Variants in ASTN2 observed in about 807,000 individuals in gnomAD.
The protein encoded by ASTN2 is astrotactin-2.
Under a neutral mutation model 139.8 loss-of-function variants are expected in ASTN2, and 54 were observed. The observed-to-expected ratio is 0.39, with a 90% confidence interval of 0.31 to 0.48. The LOEUF is 0.48. ASTN2 is among the 20% of genes least tolerant of loss of function. The probability of loss-of-function intolerance (pLI) is 0.95; values close to 1 mark genes in which losing one functional copy is unlikely to be tolerated. For missense variants in ASTN2, 1,565 were observed against 1,725.1 expected (o/e 0.91, Z 1.64); for synonymous variants, 756 against 719.5 (o/e 1.05, Z -0.81).
At chr9:116,839,881 A>ATTATTATTATTT (rs55634992) in intron 11 of ASTN2, among the ~76,000 whole-genome samples, 5 of 127,972 alleles carry the variant, frequency 3.9e-5, no homozygotes, top group African/African-American at 1.5e-4. Context: ...TATTATTATT[A>ATTATTATTATTT]TTTTTTTTTT....
In ASTN2 at chr9:116,565,418, TA is replaced by T. The variant is rs1564120549; in HGVS notation, c.3355+52905del. On this transcript the variant is annotated intron_variant, in intron 19 of 22. Transcript: ENST00000313400. ...ATATATATATATATATATATATATA[TA>T]TATATATATATTTATTTATTTATTT... is the stretch of plus-strand genomic sequence containing the variant. Among the ~76,000 whole-genome samples, 32 of 130,680 alleles carry T rather than the reference TA, an allele frequency of 2.4e-4. 1 individual carries two copies. The highest frequency in any genetic ancestry group is 6.3e-4 in the East Asian group (3 of 4,764). The allele number at this position is 130,680 out of a possible 152,430, so 85.7% of individuals were successfully genotyped here.
chr9:116,830,408 A>G (rs1031971723), intron 11 of ASTN2, among the ~76,000 whole-genome samples: 9 of 60,274 alleles, frequency 1.5e-4, no homozygotes, highest in African/African-American at 4.8e-4. Context: ...GGAAGACAGT[A>G]TGAAGGTTTT....
At chr9:116,749,620 G>A (rs886497135) in intron 13 of ASTN2, among the ~76,000 whole-genome samples, 12 of 152,084 alleles carry the variant, frequency 7.9e-5, no homozygotes, top group African/African-American at 2.9e-4. Flanking sequence ...CTACTTTTGG[G>A]GGGCAGGAAC....
At chr9:116,709,426 C>CCATA (rs1451357963) in intron 16 of ASTN2, among the ~76,000 whole-genome samples, 2 of 152,102 alleles carry the variant, frequency 1.3e-5, no homozygotes, top group Non-Finnish European at 2.9e-5. Flanking sequence ...GATTTTTAGC[C>CCATA]CATAACTGGG....
At chr9:117,296,394 C>A (rs1421421013) in intron 1 of ASTN2, among the ~76,000 whole-genome samples, 1 of 151,754 alleles carries the variant, frequency 6.6e-6, no homozygotes, top group Non-Finnish European at 1.5e-5. Flanking sequence ...TATTCAGAAC[C>A]AGTAGAGTAC....
intron 3 of ASTN2, among the ~76,000 whole-genome samples, chr9:117,177,806 G>C (rs1369630205): frequency 6.6e-6 from 1 of 152,130 alleles, no homozygotes; most frequent in African/African-American, 2.4e-5. Context: ...TGTTCTCTCA[G>C]CTTCCATGTG....
chr9:116,545,901 A>G (rs1587976667), intron 19 of ASTN2: 1 of 152,190 alleles, frequency 6.6e-6, no homozygotes, highest in African/African-American at 2.4e-5. Flanking sequence ...AGTGCTAACA[A>G]TGTGAGAACT....
rs148302583 is a variant in ASTN2 at position 116,603,935 on chromosome 9, A to T, written c.3355+14389T>A. ...GTATGAGAGGTTGATCCATATAATT[A>T]ATTAGTGGAACCAGACTCTCAAACA... On this transcript the variant is annotated intron_variant, in intron 19 of 22. Coordinates refer to ENST00000313400, the MANE Select transcript of ASTN2 (RefSeq NM_001365068.1). 2.3e-3 allele frequency among the ~76,000 whole-genome samples: 348 copies of T among 152,274 alleles called. 1 individual carries two copies. Among genetic ancestry groups the T allele is most frequent in the African/African-American group, 8.0e-3 (332 of 41,552 alleles).
At chr9:117,191,385 G>T (rs1449803018) in intron 3 of ASTN2, among the ~76,000 whole-genome samples, 2 of 151,942 alleles carry the variant, frequency 1.3e-5, no homozygotes, top group Admixed American at 1.3e-4. Flanking sequence ...ATATATAAAA[G>T]GGAAAAGACA....
intron 3 of ASTN2, among the ~76,000 whole-genome samples, chr9:117,203,375 T>C (rs536774074): frequency 8.9e-4 from 136 of 152,242 alleles, no homozygotes; most frequent in Middle Eastern, 3.4e-3. Context: ...TTCTAGGCCC[T>C]TGATAGACAG....
chr9:117,101,617 C>T (rs1046558596), intron 4 of ASTN2, among the ~76,000 whole-genome samples: 1 of 152,150 alleles, frequency 6.6e-6, no homozygotes, highest in African/African-American at 2.4e-5. Context: ...AATATCCCTC[C>T]TACACCTCAC....
intron 19 of ASTN2, among the ~76,000 whole-genome samples, chr9:116,511,113 C>T (rs1199101756): frequency 1.6e-4 from 25 of 152,088 alleles, no homozygotes; most frequent in Admixed American, 1.6e-3. Context: ...ATTTTTTGCC[C>T]ATTCAGTATG....
At chr9:117,382,905 C>T (rs1202169469) in intron 1 of ASTN2, among the ~76,000 whole-genome samples, 3 of 152,094 alleles carry the variant, frequency 2.0e-5, no homozygotes, top group Non-Finnish European at 4.4e-5. Flanking sequence ...AAATATTAGA[C>T]TGAGAAAAGA....
At chr9:117,235,068 T>C (rs1833006001) in intron 2 of ASTN2, among the ~76,000 whole-genome samples, 2 of 152,044 alleles carry the variant, frequency 1.3e-5, no homozygotes, top group African/African-American at 4.8e-5. Flanking sequence ...ACCCTGACTC[T>C]ACCAGAAATA....
chr9:117,227,514 G>A (rs1832753338), intron 2 of ASTN2, among the ~76,000 whole-genome samples: 1 of 152,172 alleles, frequency 6.6e-6, no homozygotes, highest in African/African-American at 2.4e-5. Flanking sequence ...CTGGATGGAT[G>A]AATACATGAG....
intron 17 of ASTN2, among the ~76,000 whole-genome samples, chr9:116,631,842 G>A (rs113436310): frequency 0.024 from 3,582 of 152,144 alleles, 141 homozygotes; most frequent in African/African-American, 0.082. Context: ...TAGGCCGGGC[G>A]TGGTGGCTCA....
intron 13 of ASTN2, among the ~76,000 whole-genome samples, chr9:116,789,490 A>C (rs1191743849): frequency 6.6e-6 from 1 of 152,222 alleles, no homozygotes; most frequent in Non-Finnish European, 1.5e-5. Flanking sequence ...CTAGATTATC[A>C]TTAATAGTAA....
chr9:116,497,486 C>T (rs778252485), intron 19 of ASTN2, among the ~76,000 whole-genome samples: 4 of 152,166 alleles, frequency 2.6e-5, no homozygotes, highest in South Asian at 2.1e-4. Flanking sequence ...ACTGCTTTTA[C>T]GTGCAGCCAA....
rs1052879389 is a variant in ASTN2 at position 116,696,963 on chromosome 9, A to G, written c.2806+28808T>C. On this transcript the variant is annotated intron_variant, in intron 16 of 22. Coordinates refer to ENST00000313400, the MANE Select transcript of ASTN2 (RefSeq NM_001365068.1). Reference sequence around the variant, plus strand: ...CTGTGACATGATTAAAAAAAAAAAAAAAAGCCTCCACACTTTTGCTTACAT... The same window carrying G: ...CTGTGACATGATTAAAAAAAAAAAAGAAAGCCTCCACACTTTTGCTTACAT... Among the ~76,000 whole-genome samples the G allele has an allele frequency of 4.6e-5, 7 of 151,760 alleles. No individual in the cohort carries two copies. The East Asian group carries it at 1.4e-3, about 29-fold the overall frequency.
Sources: allele counts gnomAD v4.1 joint callset (sites outside exome capture counted in the v4.1 genomes callset), GRCh38; gene constraint gnomAD v4.1.1; transcripts MANE v1.5; gene names NCBI Gene and HGNC (gene_info 2026-07-23, HGNC 2026-07-21).